Variants in ZSWIM6 observed in about 807,000 individuals in gnomAD.
ZSWIM6 encodes the protein zinc finger SWIM-type containing 6.
A neutral mutation model predicts 113.2 loss-of-function variants in ZSWIM6; 9 were observed. That is an observed-to-expected ratio of 0.08 (90% CI 0.05 to 0.14). The LOEUF (loss-of-function observed/expected upper bound fraction) is 0.14. ZSWIM6 is among the 10% of genes least tolerant of loss of function. The pLI, the probability that ZSWIM6 is intolerant of heterozygous loss-of-function variation, is 1.00. For synonymous variants in ZSWIM6, 611 were observed against 606.5 expected, an observed-to-expected ratio of 1.01 and a Z score of -0.11; for missense variants, 1,162 against 1,552.2, an observed-to-expected ratio of 0.75 and a Z score of 4.22.
At chr5:61,389,553 T>TAA (rs1745658758) in intron 1 of ZSWIM6, among the ~76,000 whole-genome samples, 1 of 54,042 alleles carries the variant, frequency 1.9e-5, no homozygotes, top group East Asian at 5.5e-4. Flanking sequence ...AGACTCAGTC[T>TAA]CAAAAAAAAA....
chr5:61,475,076 C>T (rs532510575), intron 2 of ZSWIM6, among the ~76,000 whole-genome samples: 76 of 152,266 alleles, frequency 5.0e-4, no homozygotes, highest in African/African-American at 1.7e-3. Context: ...ATCTTGCTGC[C>T]GTGTGAAAAT....
chr5:61,434,640 A>G (rs1746664409), intron 1 of ZSWIM6, among the ~76,000 whole-genome samples: 1 of 152,138 alleles, frequency 6.6e-6, no homozygotes, highest in Admixed American at 6.5e-5. Flanking sequence ...TTTATGGCTG[A>G]GTAGTATTCC....
At position 61,543,370 on chromosome 5, in the gene ZSWIM6, A is replaced by C; in HGVS notation, c.2786-85A>C. On this transcript the variant is annotated intron_variant, in intron 13 of 13. Transcript: ENST00000252744. This position sits in a 1 kb window ranked among gnomAD's most constrained non-coding sequence, Gnocchi z 4.3. ...CATGTCCTATGATGGTTAACAATGT[A>C]AACACTGGTTGTAAAAGTCAAAATA... 1 of 1,442,460 alleles carries C rather than the reference A, an allele frequency of 6.9e-7. No homozygotes were observed. The highest frequency in any genetic ancestry group is 9.2e-7 in the Non-Finnish European group (1 of 1,088,818). 89.4% of individuals were successfully genotyped at this position (1,442,460 alleles called of 1,614,324 possible). A position where few individuals can be genotyped will look rare whatever the true frequency, so the allele number is the denominator to read the frequency against.
intron 1 of ZSWIM6, among the ~76,000 whole-genome samples, chr5:61,448,291 T>G (rs1047558416): frequency 2.0e-5 from 3 of 152,232 alleles, no homozygotes; most frequent in Admixed American, 2.0e-4. Context: ...AAACTATCAA[T>G]TGTGAAAAGC....
At chr5:61,421,647 T>C (rs1381833686) in intron 1 of ZSWIM6, among the ~76,000 whole-genome samples, 1 of 152,230 alleles carries the variant, frequency 6.6e-6, no homozygotes, top group African/African-American at 2.4e-5. Flanking sequence ...TACACTCAAG[T>C]AGGCCCCATT....
chr5:61,540,309 T>G (rs1018677328), intron 12 of ZSWIM6, among the ~76,000 whole-genome samples: 1 of 152,182 alleles, frequency 6.6e-6, no homozygotes, highest in Non-Finnish European at 1.5e-5. Context: ...TGCAGATAGA[T>G]GTTTGCTTCC....
intron 4 of ZSWIM6, among the ~76,000 whole-genome samples, chr5:61,507,091 C>G (rs1489974179): frequency 6.6e-6 from 1 of 152,196 alleles, no homozygotes; most frequent in Non-Finnish European, 1.5e-5. Context: ...TCAGCCCCCA[C>G]CGGCTTCTCC....
At chr5:61,457,316 G>A (rs1474284845) in intron 1 of ZSWIM6, among the ~76,000 whole-genome samples, 2 of 152,152 alleles carry the variant, frequency 1.3e-5, no homozygotes, top group East Asian at 3.8e-4. Flanking sequence ...TACATGAATA[G>A]CCATTTCCCT....
intron 2 of ZSWIM6, among the ~76,000 whole-genome samples, chr5:61,479,264 A>G (rs1236401109): frequency 2.0e-5 from 3 of 151,810 alleles, no homozygotes; most frequent in East Asian, 1.9e-4. Context: ...AAGTTTTTAC[A>G]TTTCACTTTA....
intron 8 of ZSWIM6, 129 bp from the exon 9 acceptor site, chr5:61,531,336 T>C (rs1170692166): frequency 1.8e-6 from 2 of 1,136,424 alleles, no homozygotes; most frequent in African/African-American, 3.1e-5. Context: ...CTAAAAAACA[T>C]GTTTTCTGGC....
intron 9 of ZSWIM6, among the ~76,000 whole-genome samples, chr5:61,533,325 G>C (rs746438193): frequency 2.6e-5 from 4 of 152,210 alleles, no homozygotes; most frequent in African/African-American, 9.7e-5. Context: ...CAAGTTCTTC[G>C]TGCAGTTATA....
chr5:61,373,377 T>C (rs1053757055), intron 1 of ZSWIM6, among the ~76,000 whole-genome samples: 9 of 145,322 alleles, frequency 6.2e-5, no homozygotes, highest in African/African-American at 1.3e-4. Context: ...TATTTCTTTT[T>C]TTTTTTTTTT....
intron 1 of ZSWIM6, among the ~76,000 whole-genome samples, chr5:61,405,001 G>C (rs771460514): frequency 6.6e-6 from 1 of 152,176 alleles, no homozygotes; most frequent in Non-Finnish European, 1.5e-5. Flanking sequence ...AATACCAGTA[G>C]CAGAAATGGT....
intron 9 of ZSWIM6, among the ~76,000 whole-genome samples, chr5:61,533,005 T>G (rs188343635): frequency 6.6e-6 from 1 of 152,360 alleles, no homozygotes; most frequent in East Asian, 1.9e-4. Context: ...ATTTTCAAAG[T>G]TGATAGTGTG....
At chr5:61,428,657 C>T (rs1746513669) in intron 1 of ZSWIM6, among the ~76,000 whole-genome samples, 1 of 152,036 alleles carries the variant, frequency 6.6e-6, no homozygotes, top group African/African-American at 2.4e-5. Context: ...AGGCATCAGC[C>T]ACTGTACTCA....
chr5:61,453,549 A>AT (rs1235004050), intron 1 of ZSWIM6, among the ~76,000 whole-genome samples: 5 of 151,184 alleles, frequency 3.3e-5, no homozygotes, highest in Admixed American at 3.3e-4. Context: ...TAATTTTTGT[A>AT]TTTTTTTGTA....
chr5:61,447,170 T>C (rs1080390), intron 1 of ZSWIM6, among the ~76,000 whole-genome samples: 2 of 152,078 alleles, frequency 1.3e-5, no homozygotes, highest in Non-Finnish European at 2.9e-5. Context: ...CCATCCTGCT[T>C]TCCTGTTCAA....
chr5:61,369,029 A>G (rs1745213772), intron 1 of ZSWIM6, among the ~76,000 whole-genome samples: 1 of 152,248 alleles, frequency 6.6e-6, no homozygotes. Context: ...GTCTAGATAC[A>G]TTTTAGTTAC....
chr5:61,359,384 A>G (rs1295592816), intron 1 of ZSWIM6, among the ~76,000 whole-genome samples: 2 of 152,138 alleles, frequency 1.3e-5, no homozygotes, highest in South Asian at 2.1e-4. Flanking sequence ...TATGCGGTGA[A>G]TGACGTGATC....
Sources: gnomAD v4.1 joint callset for allele counts (sites outside exome capture counted in the v4.1 genomes callset) on GRCh38, gnomAD v4.1.1 for gene constraint, Gnocchi (gnomAD v3.1) non-coding constraint, MANE v1.5 for transcripts, NCBI Gene and HGNC (gene_info 2026-07-23, HGNC 2026-07-21) for gene names.